CNOT7: variants seen among roughly 807,000 people sequenced by gnomAD.
CNOT7 encodes CCR4-NOT transcription complex subunit 7, also known as BTG1-binding factor 1.
In CNOT7, 4 loss-of-function variants were observed where a neutral mutation model predicts 37.1. That is an observed-to-expected ratio of 0.11 (90% CI 0.05 to 0.25). The LOEUF is 0.25. Among genes scored for constraint, CNOT7 ranks in the 10% least tolerant of loss-of-function variants. The pLI is 1.00. For missense variants in CNOT7, 170 were observed against 336.2 expected (o/e 0.51, Z 3.87); for synonymous variants, 128 against 115.6 (o/e 1.11, Z -0.69).
chr8:17,231,711 G>GT (rs1808640130), intron 6 of CNOT7: 1 of 985,342 alleles, frequency 1.0e-6, no homozygotes, highest in Non-Finnish European at 1.2e-6. Context: ...ATAGCTAGGT[G>GT]TATCTGTGCA....
chr8:17,231,785 C>G, intron 6 of CNOT7: 1 of 985,624 alleles, frequency 1.0e-6, no homozygotes, highest in Non-Finnish European at 1.2e-6. Context: ...ATCCCTAACA[C>G]TTTATACTCA....
intron 6 of CNOT7, chr8:17,232,040 A>G (rs560500005): frequency 1.9e-6 from 2 of 1,041,032 alleles, no homozygotes; most frequent in African/African-American, 1.7e-5. Flanking sequence ...AACCTAATAT[A>G]AAGATTCCTT....
Position 17,237,378 on chromosome 8 carries a change from C to A in CNOT7, c.312-5G>T. Reference sequence around the variant, plus strand: ...TCCTGGGCATACATGTCCTCCCTGGCAGAAGAAAGAGAAAGACAACATTCA... The same window carrying A: ...TCCTGGGCATACATGTCCTCCCTGGAAGAAGAAAGAGAAAGACAACATTCA... On this transcript the variant is annotated splice_region_variant and splice_polypyrimidine_tract_variant and intron_variant, in intron 3 of 6. Coordinates refer to ENST00000361272, the MANE Select transcript of CNOT7 (RefSeq NM_013354.7). 1 of 1,612,696 alleles carries A rather than the reference C, an allele frequency of 6.2e-7. No individual in the cohort carries two copies. The highest frequency in any genetic ancestry group is 8.5e-7 in the Non-Finnish European group (1 of 1,179,298).
At position 17,234,585 on chromosome 8, in the gene CNOT7, C is replaced by G; in HGVS notation, c.618+131G>C. The G allele has an allele frequency of 2.1e-6, 2 of 941,058 alleles. 1 individual carries two copies. The highest frequency in any genetic ancestry group is 2.9e-5 in the South Asian group (2 of 68,170). The allele number at this position is 941,058 out of a possible 1,614,324, so 58.3% of individuals were successfully genotyped here. ...GTATGCAAGAAAAAAAATCACATGA[C>G]CAGATAATATAATTGCATTCACTGT... is the stretch of plus-strand genomic sequence containing the variant. On this transcript the variant is annotated intron_variant, in intron 5 of 6. Coordinates refer to ENST00000361272, the MANE Select transcript of CNOT7 (RefSeq NM_013354.7).
At chr8:17,240,507 C>T (rs564907847) in intron 3 of CNOT7, among the ~76,000 whole-genome samples, 12 of 152,186 alleles carry the variant, frequency 7.9e-5, no homozygotes, top group African/African-American at 2.9e-4. Flanking sequence ...CTTTAGCAGT[C>T]ATTTTTGAGT....
At position 17,233,773 on chromosome 8, in the gene CNOT7, C is replaced by G. The variant is rs139309962; in HGVS notation, c.618+943G>C. ...AAAATAATCTTTCTTGAAAATTTCT[C>G]TAGTCATATGCTGACCATATCATGT... On this transcript the variant is annotated intron_variant, in intron 5 of 6. Coordinates refer to ENST00000361272, the MANE Select transcript of CNOT7 (RefSeq NM_013354.7). 6.6e-5 allele frequency among the ~76,000 whole-genome samples: 10 copies of G among 152,338 alleles called. No homozygotes were observed. The East Asian group carries it at 1.9e-3, about 29-fold the overall frequency.
intron 6 of CNOT7, chr8:17,232,197 G>A (rs1585779826): frequency 7.5e-7 from 1 of 1,337,306 alleles, no homozygotes; most frequent in South Asian, 1.7e-5. Context: ...GGTAGTTTAT[G>A]TTTTAAAATT....
intron 6 of CNOT7, chr8:17,232,100 TC>T: frequency 1.0e-6 from 1 of 1,000,086 alleles, no homozygotes; most frequent in Non-Finnish European, 1.2e-6. Context: ...TCTGGAGTTC[TC>T]CCACTAGTAA....
intron 2 of CNOT7, 50 bp downstream of exon 2, chr8:17,244,986 C>T: frequency 7.2e-7 from 1 of 1,389,482 alleles, no homozygotes; most frequent in Non-Finnish European, 1.0e-6. Context: ...TTTAAAATTT[C>T]CTTTTCCTCC....
chr8:17,230,925 G>GT (rs1398239735), intron 6 of CNOT7, 77 bp from the exon 7 acceptor site: 22 of 1,047,722 alleles, frequency 2.1e-5, no homozygotes, highest in Non-Finnish European at 2.8e-5. Flanking sequence ...TTTCAGCAAT[G>GT]TAAGTACTGA....
intron 3 of CNOT7, among the ~76,000 whole-genome samples, chr8:17,240,645 C>T (rs1003626437): frequency 2.6e-5 from 4 of 152,088 alleles, no homozygotes; most frequent in Admixed American, 6.5e-5. Context: ...CTCCTTCTCA[C>T]GTACTGAGAT....
At chr8:17,231,408 A>T in intron 6 of CNOT7, 1 of 485,826 alleles carries the variant, frequency 2.1e-6, no homozygotes, top group Non-Finnish European at 2.7e-6. Context: ...TAAAAAATCC[A>T]AAAGGTTGTT....
At chr8:17,246,422 C>T (rs557170910) in intron 1 of CNOT7, 2 of 153,222 alleles carry the variant, frequency 1.3e-5, no homozygotes, top group Non-Finnish European at 2.9e-5. Context: ...TAGGCCACCG[C>T]CCTCCACTCC....
At chr8:17,233,004 G>C (rs2904698) in intron 5 of CNOT7, among the ~76,000 whole-genome samples, 9 of 152,068 alleles carry the variant, frequency 5.9e-5, no homozygotes, top group African/African-American at 2.2e-4. Context: ...ATCATTAAGA[G>C]TATGCTAAAT....
chr8:17,243,463 A>G (rs1012862241), intron 2 of CNOT7: 1 of 557,454 alleles, frequency 1.8e-6, no homozygotes, highest in South Asian at 1.5e-5. Flanking sequence ...GAAAGGGGGG[A>G]AAATCATAAA....
chr8:17,243,688 G>A (rs961755969), intron 2 of CNOT7: 1 of 455,438 alleles, frequency 2.2e-6, no homozygotes, highest in South Asian at 1.5e-5. Context: ...ATAGTCCACA[G>A]AAAGCATGCT....
chr8:17,244,970 C>T (rs1220822996), intron 2 of CNOT7, 66 bp downstream of exon 2: 1 of 1,325,116 alleles, frequency 7.5e-7, no homozygotes, highest in East Asian at 2.4e-5. Context: ...GGGTTGAATT[C>T]AAGACTTTAA....
chr8:17,243,026 A>C lies in CNOT7; in HGVS notation c.277T>G (p.Ser93Ala). The change falls in exon 3 of 7, where the codon TCA becomes GCA. Residue 93 changes from serine (S) to alanine (A), a missense_variant. Coordinates refer to ENST00000361272, the MANE Select transcript of CNOT7 (RefSeq NM_013354.7). ...NEQGEYPPGT[S>A]TWQFNFKFNL... ...AATTTAAAATTAAACTGCCAAGTTG[A>C]AGTTCCTGGAGGGTATTCTCCTTGC... 6 of 1,602,486 alleles carry C rather than the reference A, an allele frequency of 3.7e-6. No individual in the cohort carries two copies. The African/African-American group carries it at 5.4e-5, about 14-fold the overall frequency.
chr8:17,233,135 G>T (rs1808850747), intron 5 of CNOT7, among the ~76,000 whole-genome samples: 1 of 152,122 alleles, frequency 6.6e-6, no homozygotes, highest in African/African-American at 2.4e-5. Flanking sequence ...AGTGGAAAGA[G>T]TGGAAAGAAA....
Sources: allele counts gnomAD v4.1 joint callset (sites outside exome capture counted in the v4.1 genomes callset), GRCh38; gene constraint gnomAD v4.1.1; transcripts MANE v1.5; gene names NCBI Gene and HGNC (gene_info 2026-07-23, HGNC 2026-07-21).